Variants in GHR observed in about 807,000 individuals in gnomAD.
GHR encodes the protein GH receptor.
GHR carries 35 observed loss-of-function variants against 67.1 expected under a neutral mutation model. The ratio of observed to expected loss-of-function variants is 0.52; its 90% CI spans 0.40 to 0.69. The LOEUF is 0.69. Ranked by LOEUF, GHR falls within the 30% of genes least tolerant of loss-of-function variation. The pLI, the probability that GHR is intolerant of heterozygous loss-of-function variation, is 0.00. For synonymous variants in GHR, 272 were observed against 269.1 expected, an observed-to-expected ratio of 1.01 and a Z score of -0.10; for missense variants, 792 against 764.6, an observed-to-expected ratio of 1.04 and a Z score of -0.42.
chr5:42,556,940 G>T (rs762090276), intron 1 of GHR, among the ~76,000 whole-genome samples: 9 of 152,184 alleles, frequency 5.9e-5, no homozygotes, highest in African/African-American at 2.2e-4. Flanking sequence ...CAGAGACTCA[G>T]GTTCTTGTAA....
intron 1 of GHR, among the ~76,000 whole-genome samples, chr5:42,447,023 T>A (rs1434845918): frequency 6.6e-6 from 1 of 152,234 alleles, no homozygotes; most frequent in Non-Finnish European, 1.5e-5. Flanking sequence ...TTCATGCTGT[T>A]GCAAGGGAAA....
intron 1 of GHR, among the ~76,000 whole-genome samples, chr5:42,545,829 C>T (rs115088738): frequency 0.016 from 2,392 of 152,208 alleles, 60 homozygotes; most frequent in African/African-American, 0.055. Context: ...TTTAATAAGG[C>T]CCCTAATAAC....
At chr5:42,629,722 A>G (rs1753856906) in intron 3 of GHR, among the ~76,000 whole-genome samples, 1 of 131,696 alleles carries the variant, frequency 7.6e-6, no homozygotes, top group South Asian at 2.4e-4. Flanking sequence ...AGTAAGGCCA[A>G]ATTAATGAAG....
At chr5:42,547,038 TG>T (rs1236828281) in intron 1 of GHR, among the ~76,000 whole-genome samples, 2 of 152,226 alleles carry the variant, frequency 1.3e-5, no homozygotes, top group Non-Finnish European at 2.9e-5. Context: ...GTCAGATAGG[TG>T]GTTTCTACAC....
At chr5:42,452,593 TA>T (rs1385932742) in intron 1 of GHR, among the ~76,000 whole-genome samples, 1 of 152,154 alleles carries the variant, frequency 6.6e-6, no homozygotes, top group Non-Finnish European at 1.5e-5. Flanking sequence ...TGTTCATTTT[TA>T]AAAATTCTTT....
intron 8 of GHR, among the ~76,000 whole-genome samples, chr5:42,716,347 CA>C (rs1758722705): frequency 6.6e-6 from 1 of 152,128 alleles, no homozygotes; most frequent in African/African-American, 2.4e-5. Flanking sequence ...CCCTGGGAGT[CA>C]TAAGGATTAA....
At chr5:42,486,855 A>C (rs1745908012) in intron 1 of GHR, among the ~76,000 whole-genome samples, 1 of 152,150 alleles carries the variant, frequency 6.6e-6, no homozygotes, top group Admixed American at 6.5e-5. Context: ...TCAAAAAAAA[A>C]AAAAAAAAGA....
chr5:42,641,469 T>C (rs1026075800), intron 3 of GHR, among the ~76,000 whole-genome samples: 2 of 152,106 alleles, frequency 1.3e-5, no homozygotes, highest in African/African-American at 2.4e-5. Context: ...CAGTAACTAA[T>C]GGTTAGGTGT....
intron 1 of GHR, among the ~76,000 whole-genome samples, chr5:42,462,399 A>T (rs1416399567): frequency 1.3e-5 from 2 of 152,210 alleles, no homozygotes; most frequent in East Asian, 3.8e-4. Context: ...CTTGTTTAAG[A>T]TTCCTTATTT....
intron 1 of GHR, chr5:42,467,765 C>T: frequency 1.9e-6 from 3 of 1,538,796 alleles, no homozygotes; most frequent in Admixed American, 1.7e-5. Context: ...ACGAGGTTTG[C>T]ACTCTGACTA....
intron 4 of GHR, among the ~76,000 whole-genome samples, 186 bp downstream of exon 4, chr5:42,689,205 C>G (rs1176084082): frequency 6.6e-6 from 1 of 152,128 alleles, no homozygotes; most frequent in African/African-American, 2.4e-5. Flanking sequence ...CTATTTTAGG[C>G]CCTGGAGATA....
intron 1 of GHR, among the ~76,000 whole-genome samples, chr5:42,477,483 G>C (rs1264246877): frequency 6.6e-6 from 1 of 152,180 alleles, no homozygotes; most frequent in African/African-American, 2.4e-5. Context: ...GGTTGAACTA[G>C]TTTACAGTCC....
At chr5:42,446,548 A>T (rs1720988063) in intron 1 of GHR, among the ~76,000 whole-genome samples, 1 of 152,230 alleles carries the variant, frequency 6.6e-6, no homozygotes, top group African/African-American at 2.4e-5. Flanking sequence ...TATGTCAGTA[A>T]GTAACATGAT....
At chr5:42,683,380 A>G (rs530722218) in intron 3 of GHR, among the ~76,000 whole-genome samples, 3 of 152,330 alleles carry the variant, frequency 2.0e-5, no homozygotes, top group Admixed American at 6.5e-5. Flanking sequence ...TCTCTGCTGT[A>G]TGGTTCTCAC....
At chr5:42,716,422 T>C (rs1441660332) in intron 8 of GHR, among the ~76,000 whole-genome samples, 1 of 152,210 alleles carries the variant, frequency 6.6e-6, no homozygotes, top group Non-Finnish European at 1.5e-5. Flanking sequence ...TTTTAGGCTT[T>C]TCAAGCCATA....
chr5:42,497,804 A>G (rs1433174365), intron 1 of GHR, among the ~76,000 whole-genome samples: 2 of 152,212 alleles, frequency 1.3e-5, no homozygotes, highest in African/African-American at 2.4e-5. Flanking sequence ...TTTCTTAAAG[A>G]ATGGAAAACA....
intron 3 of GHR, chr5:42,647,706 G>A: frequency 2.3e-6 from 1 of 442,604 alleles, no homozygotes; most frequent in South Asian, 1.6e-5. Context: ...CTTGAAGGAA[G>A]CATGAATGAA....
At chr5:42,535,731 T>G (rs1193974688) in intron 1 of GHR, among the ~76,000 whole-genome samples, 1 of 152,154 alleles carries the variant, frequency 6.6e-6, no homozygotes, top group Non-Finnish European at 1.5e-5. Context: ...GTTTTGAATT[T>G]GTAGGTTGCT....
At chr5:42,666,022 A>T (rs1227385636) in intron 3 of GHR, among the ~76,000 whole-genome samples, 1 of 152,096 alleles carries the variant, frequency 6.6e-6, no homozygotes, top group Non-Finnish European at 1.5e-5. Flanking sequence ...GGATTATGGG[A>T]GGTGCAATTC....
Sources: gnomAD v4.1 joint callset for allele counts (sites outside exome capture counted in the v4.1 genomes callset) on GRCh38, gnomAD v4.1.1 for gene constraint, MANE v1.5 for transcripts, NCBI Gene and HGNC (gene_info 2026-07-23, HGNC 2026-07-21) for gene names.